Variants in ARHGAP45 observed in about 807,000 individuals in gnomAD.
The protein encoded by ARHGAP45 is Rho GTPase activating protein 45.
ARHGAP45 carries 56 observed loss-of-function variants against 116.1 expected under a neutral mutation model. That is an observed-to-expected ratio of 0.48 (90% CI 0.39 to 0.60). ARHGAP45 has a LOEUF of 0.60. Among genes scored for constraint, ARHGAP45 ranks in the 20% least tolerant of loss-of-function variants. The pLI is 0.00. For missense variants in ARHGAP45, 1,622 were observed against 1,601.0 expected (o/e 1.01, Z -0.22); for synonymous variants, 866 against 701.7 (o/e 1.23, Z -3.70).
rs1388297520 is a variant in ARHGAP45, at chr19:1,068,150, C to A, written c.91-264C>A. On this transcript the variant is annotated intron_variant, in intron 1 of 22. Transcript: ENST00000313093. The surrounding 1 kb of genome is among the most constrained non-coding windows in gnomAD (Gnocchi z 7.5). ...CCCCACCCCCACCAGGAAGTGGGGA[C>A]CCCCCTCCCGCGCCTCCCCGCAGGC... Among the ~76,000 whole-genome samples the A allele has an allele frequency of 6.6e-6, 1 of 152,010 alleles. No homozygotes were observed. The highest frequency in any genetic ancestry group is 1.5e-5 in the Non-Finnish European group (1 of 67,966).
chr19:1,080,400 AG>A, intron 14 of ARHGAP45, 21 bp downstream of exon 14: 1 of 1,608,524 alleles, frequency 6.2e-7, no homozygotes. Context: ...GGCGGGGCCC[AG>A]GGGCGGACGC....
rs1214815955 is a variant in ARHGAP45, at chr19:1,086,404, C to G, written c.*398C>G. The stretch of plus-strand genomic sequence containing the variant: ...TCTCCTCACAGGTCTGTTGCAGGGA[C>G]TCCAGAAACCATTCTGGGAGCCGTG... On this transcript the variant is annotated 3_prime_UTR_variant, in exon 23 of 23. Coordinates refer to ENST00000313093, the MANE Select transcript of ARHGAP45 (RefSeq NM_012292.5). The G allele has an allele frequency of 5.4e-6, 1 of 186,006 alleles. No individual in the cohort carries two copies. The highest frequency in any genetic ancestry group is 1.1e-5 in the Non-Finnish European group (1 of 88,044). The allele number at this position is 186,006 out of a possible 1,614,324, so 11.5% of individuals were successfully genotyped here. A position where few individuals can be genotyped will look rare whatever the true frequency, so the allele number is the denominator to read the frequency against.
Position 1,074,790 on chromosome 19 carries a change from T to G in ARHGAP45, c.1105-9T>G. 6.3e-7 allele frequency: 1 copy of G among 1,590,824 alleles called. No individual in the cohort carries two copies. Among genetic ancestry groups the G allele is most frequent in the Non-Finnish European group, 8.6e-7 (1 of 1,169,564 alleles). On this transcript the variant is annotated splice_polypyrimidine_tract_variant and intron_variant, in intron 9 of 22. Coordinates refer to ENST00000313093, the MANE Select transcript of ARHGAP45 (RefSeq NM_012292.5). ...CCGGGGTACCCACTCACGGCCCGTC[T>G]CGCCCCAGCCCCTGACCCTGCGGCG...
At chr19:1,083,103 C>T in intron 20 of ARHGAP45, 37 bp downstream of exon 20, 2 of 1,571,010 alleles carry the variant, frequency 1.3e-6, no homozygotes, top group Non-Finnish European at 1.7e-6. Context: ...GCGCGGGGTC[C>T]CGGGAGCCGC....
rs1197252609 is a variant in ARHGAP45, at chr19:1,074,728, C to T, written c.1104+4C>T. On this transcript the variant is annotated splice_donor_region_variant and intron_variant, in intron 9 of 22. Transcript: ENST00000313093. ...GCAGACCCAGACCTTCATGCAGGTG[C>T]GTGGTGCCCGGGAGGGCGGGCTGGG... 17 of 1,553,936 alleles carry T rather than the reference C, an allele frequency of 1.1e-5. No individual in the cohort carries two copies. Among genetic ancestry groups the T allele is most frequent in the Non-Finnish European group, 1.5e-5 (17 of 1,140,172 alleles).
intron 3 of ARHGAP45, 34 bp downstream of exon 3, chr19:1,073,326 C>T: frequency 1.2e-6 from 2 of 1,609,574 alleles, no homozygotes; most frequent in Non-Finnish European, 1.7e-6. Flanking sequence ...CGAGGGCTCT[C>T]TGCCTAGAAG....
At chr19:1,076,981 G>A (rs141543198) in intron 10 of ARHGAP45, 196 of 969,798 alleles carry the variant, frequency 2.0e-4, no homozygotes, top group Non-Finnish European at 2.4e-4. Context: ...CTCCTGCCTC[G>A]GCCTCCCAAA....
intron 22 of ARHGAP45, among the ~76,000 whole-genome samples, chr19:1,085,070 A>C (rs566985843): frequency 6.6e-6 from 1 of 152,276 alleles, no homozygotes; most frequent in African/African-American, 2.4e-5. Flanking sequence ...CAAGAGAGAG[A>C]GACTCTGTCT....
chr19:1,072,834 G>A (rs1178544874), intron 2 of ARHGAP45, among the ~76,000 whole-genome samples: 6 of 152,182 alleles, frequency 3.9e-5, no homozygotes, highest in African/African-American at 1.4e-4. Flanking sequence ...GAGCCTGGTG[G>A]GCTGCATGGA....
chr19:1,082,266 C>T (rs11879091), intron 19 of ARHGAP45, among the ~76,000 whole-genome samples: 54,143 of 120,824 alleles, frequency 0.45, 12,584 homozygotes, highest in Non-Finnish European at 0.54. Flanking sequence ...GCACACCTGA[C>T]GCTGTGCGGG....
Position 1,084,328 on chromosome 19 carries a change from G to C in ARHGAP45, c.3046G>C (p.Ala1016Pro), listed in dbSNP as rs2145093594. The C allele has an allele frequency of 3.1e-6, 5 of 1,610,436 alleles. No homozygotes were observed. Among genetic ancestry groups the C allele is most frequent in the Non-Finnish European group, 4.2e-6 (5 of 1,178,600 alleles). ...GGTGGTCTACCCGCTGCAGGAGGCG[G>C]CGGCGGACGGGTGCAGAGGTGAGTG... ...EAVVYPLQEA[A>P]ADGCRESRVV... The change falls in exon 22 of 23, where the codon GCG (alanine) becomes CCG (proline). Residue 1016 changes from alanine to proline, a missense_variant. Around this residue, in one of 3 missense-constraint regions of ARHGAP45, gnomAD observed 1,334 missense variants for 1,263.8 expected, o/e 1.06. Coordinates refer to ENST00000313093, the MANE Select transcript of ARHGAP45 (RefSeq NM_012292.5).
chr19:1,075,574 C>T (rs946253401), intron 10 of ARHGAP45, among the ~76,000 whole-genome samples: 2 of 152,014 alleles, frequency 1.3e-5, no homozygotes, highest in Non-Finnish European at 2.9e-5. Flanking sequence ...CTTCCCACTT[C>T]GCTTTTGGGT....
intron 1 of ARHGAP45, among the ~76,000 whole-genome samples, chr19:1,067,958 G>T (rs545501142): frequency 1.4e-5 from 2 of 146,426 alleles, no homozygotes; most frequent in South Asian, 2.3e-4. Flanking sequence ...CAAAGCTGGG[G>T]GGGGGGTCTA....
At position 1,083,345 on chromosome 19, in the gene ARHGAP45, G is replaced by T. The variant is rs1210367885; in HGVS notation, c.2947G>T (p.Gly983Trp). The T allele has an allele frequency of 2.6e-6, 4 of 1,547,464 alleles. No individual in the cohort carries two copies. Among genetic ancestry groups the T allele is most frequent in the Admixed American group, 1.9e-5 (1 of 51,604 alleles). ...CGAGGAGGAGCCGGAGGAGACCCCC[G>T]GGGGCCAGGTGAGGGTGTGGGCCTG... ...VFEEEPEETP[G>W]GQDESSNQRA... The change falls in exon 21 of 23, where the codon GGG becomes TGG. Residue 983 changes from glycine (G) to tryptophan (W), a missense_variant. Physicochemically the swap from Gly to Trp is radical, Grantham distance 184. This residue lies in a region of ARHGAP45 where 1,334 missense variants were observed against 1,263.8 expected (regional missense o/e 1.06). Coordinates refer to ENST00000313093, the MANE Select transcript of ARHGAP45 (RefSeq NM_012292.5).
At position 1,083,233 on chromosome 19, in the gene ARHGAP45, G is replaced by C; in HGVS notation, c.2835G>C (p.Glu945Asp). The change falls in exon 21 of 23, where the codon GAG (glutamate) becomes GAC (aspartate). Residue 945 changes from glutamate (E) to aspartate (D), a missense_variant. Physicochemically the swap from Glu to Asp is conservative, Grantham distance 45. This residue lies in a region of ARHGAP45 where 1,334 missense variants were observed against 1,263.8 expected (regional missense o/e 1.06). Transcript: ENST00000313093. ...CGCTGCTTCGGCCACGGCCCACCGA[G>C]GCCACCGTGTCCCTCTCCTCCCTGG... is the stretch of plus-strand genomic sequence containing the variant. The part of the protein sequence containing the change: ...GPTLLRPRPT[E>D]ATVSLSSLVD... 1 of 1,607,856 alleles carries C rather than the reference G, an allele frequency of 6.2e-7. No homozygotes were observed. The highest frequency in any genetic ancestry group is 1.1e-5 in the South Asian group (1 of 89,832).
intron 19 of ARHGAP45, chr19:1,082,402 G>C (rs2043466861): frequency 6.5e-6 from 2 of 306,700 alleles, no homozygotes; most frequent in Non-Finnish European, 1.2e-5. Context: ...GCTGGCGGTG[G>C]GGCCTGGGCT....
At chr19:1,082,412 TTGG>T (rs1210250034) in intron 19 of ARHGAP45, 3 of 261,860 alleles carry the variant, frequency 1.1e-5, no homozygotes, top group Non-Finnish European at 2.1e-5. Flanking sequence ...GGGCCTGGGC[TTGG>T]TGGGGCGAGG....
chr19:1,083,903 G>C (rs929556176), intron 21 of ARHGAP45, among the ~76,000 whole-genome samples: 5 of 152,132 alleles, frequency 3.3e-5, no homozygotes, highest in African/African-American at 1.2e-4. Context: ...ACCACACCCG[G>C]CTAATTTTTG....
chr19:1,073,411 C>T, intron 3 of ARHGAP45, 95 bp from the exon 4 acceptor site: 6 of 1,551,906 alleles, frequency 3.9e-6, no homozygotes, highest in Non-Finnish European at 5.3e-6. Context: ...AAGCTCCCTC[C>T]TGTTCCCCCT....
Sources: gnomAD v4.1 joint callset for allele counts (sites outside exome capture counted in the v4.1 genomes callset) on GRCh38, gnomAD v4.1.1 for gene constraint, gnomAD v4.1.1 regional missense constraint, Gnocchi (gnomAD v3.1) non-coding constraint, MANE v1.5 for transcripts, NCBI Gene and HGNC (gene_info 2026-07-23, HGNC 2026-07-21) for gene names.